Variants in CSMD1 observed in about 807,000 individuals in gnomAD.
CSMD1 encodes the protein CUB and sushi domain-containing protein 1.
CSMD1 carries 213 observed loss-of-function variants against 417.5 expected under a neutral mutation model. The ratio of observed to expected loss-of-function variants is 0.51; its 90% CI spans 0.46 to 0.57. The LOEUF is 0.57. Ranked by LOEUF, CSMD1 falls within the 20% of genes least tolerant of loss-of-function variation. CSMD1 has a pLI of 0.00. For missense variants in CSMD1, 6,923 were observed against 4,529.7 expected (o/e 1.53, Z -15.17); for synonymous variants, 2,862 against 1,736.8 (o/e 1.65, Z -16.11).
chr8:4,305,385 G>C (rs372950370), intron 3 of CSMD1, among the ~76,000 whole-genome samples: 88 of 152,240 alleles, frequency 5.8e-4, no homozygotes, highest in Non-Finnish European at 1.1e-3. Flanking sequence ...GATAGAGCAA[G>C]AGATTTGCTG....
At chr8:4,307,629 G>C (rs892422031) in intron 3 of CSMD1, among the ~76,000 whole-genome samples, 3 of 152,114 alleles carry the variant, frequency 2.0e-5, no homozygotes, top group Non-Finnish European at 4.4e-5. Context: ...CAAGCTTATC[G>C]AATTTTGCAT....
intron 3 of CSMD1, among the ~76,000 whole-genome samples, chr8:4,172,787 G>C (rs1186736907): frequency 6.6e-6 from 1 of 152,112 alleles, no homozygotes; most frequent in East Asian, 1.9e-4. Context: ...CCACAGAGAA[G>C]CCTATCCCAT....
At chr8:3,093,470 C>G (rs1293367397) in intron 47 of CSMD1, among the ~76,000 whole-genome samples, 1 of 152,104 alleles carries the variant, frequency 6.6e-6, no homozygotes, top group Non-Finnish European at 1.5e-5. Context: ...AGTTTGAGAC[C>G]AGCCTGGCCA....
chr8:4,654,487 G>C (rs1473099576), intron 1 of CSMD1, among the ~76,000 whole-genome samples: 1 of 152,020 alleles, frequency 6.6e-6, no homozygotes. Context: ...CTCCACCCTG[G>C]AAACGAAGTA....
chr8:4,865,085 T>C (rs1585232405), intron 1 of CSMD1, among the ~76,000 whole-genome samples: 1 of 151,802 alleles, frequency 6.6e-6, no homozygotes, highest in East Asian at 1.9e-4. Flanking sequence ...CACGTGGTTT[T>C]CTGTTACCTG....
At chr8:4,435,596 C>T (rs1043559412) in intron 2 of CSMD1, among the ~76,000 whole-genome samples, 4 of 152,194 alleles carry the variant, frequency 2.6e-5, no homozygotes, top group Admixed American at 1.3e-4. Context: ...ATGGAATCTG[C>T]TCTTCACGGC....
intron 11 of CSMD1, among the ~76,000 whole-genome samples, chr8:3,474,553 G>T (rs1817298942): frequency 6.6e-6 from 1 of 152,078 alleles, no homozygotes; most frequent in South Asian, 2.1e-4. Context: ...TTACTTAAAT[G>T]TTTAATATTA....
intron 1 of CSMD1, among the ~76,000 whole-genome samples, chr8:4,749,958 C>G (rs199608182): frequency 2.0e-5 from 3 of 151,918 alleles, no homozygotes; most frequent in African/African-American, 7.3e-5. Flanking sequence ...TCATGGTTCC[C>G]TCAAGTGCCT....
chr8:3,987,650 G>C (rs888613913), intron 5 of CSMD1, among the ~76,000 whole-genome samples: 4 of 152,278 alleles, frequency 2.6e-5, no homozygotes, highest in Admixed American at 2.0e-4. Context: ...TGCTGATAAA[G>C]CAGAAGAGAC....
intron 5 of CSMD1, among the ~76,000 whole-genome samples, chr8:3,832,651 C>T (rs978625870): frequency 3.3e-5 from 5 of 152,094 alleles, no homozygotes; most frequent in African/African-American, 9.7e-5. Flanking sequence ...GTACTTACAA[C>T]GAAACTGAGA....
At chr8:3,450,020 C>T (rs772821635) in intron 12 of CSMD1, among the ~76,000 whole-genome samples, 5 of 152,162 alleles carry the variant, frequency 3.3e-5, no homozygotes, top group African/African-American at 4.8e-5. Flanking sequence ...TCCTCCTCAT[C>T]GATGTGGTCC....
intron 13 of CSMD1, 54 bp from the exon 14 acceptor site, chr8:3,408,279 CCATGTGAAACAGA>C (rs1812474270): frequency 7.3e-7 from 1 of 1,375,692 alleles, no homozygotes; most frequent in Non-Finnish European, 9.9e-7. Context: ...CAAAGAATTG[CCATGTGAAACAGA>C]CAGCTAAGAA....
intron 5 of CSMD1, among the ~76,000 whole-genome samples, chr8:3,996,341 C>T (rs1306392234): frequency 6.6e-6 from 1 of 152,108 alleles, no homozygotes; most frequent in East Asian, 1.9e-4. Flanking sequence ...TTCTGAAAAC[C>T]ACAATAATTT....
At chr8:3,746,183 G>C (rs1016761673) in intron 6 of CSMD1, among the ~76,000 whole-genome samples, 10 of 152,334 alleles carry the variant, frequency 6.6e-5, no homozygotes, top group African/African-American at 2.2e-4. Flanking sequence ...ACGCTGAAAA[G>C]AATAGCAGTT....
At chr8:4,608,059 G>A (rs903552855) in intron 2 of CSMD1, among the ~76,000 whole-genome samples, 4 of 152,146 alleles carry the variant, frequency 2.6e-5, no homozygotes, top group Non-Finnish European at 5.9e-5. Context: ...CCAGGTGAAG[G>A]CCCTGGGAGG....
chr8:3,696,241 C>G (rs959231295), intron 7 of CSMD1, among the ~76,000 whole-genome samples: 5 of 152,204 alleles, frequency 3.3e-5, no homozygotes, highest in Admixed American at 2.6e-4. Context: ...GCAATTTAGA[C>G]AGGCACATTG....
At chr8:3,390,980 A>G (rs932821331) in intron 17 of CSMD1, among the ~76,000 whole-genome samples, 2 of 152,128 alleles carry the variant, frequency 1.3e-5, no homozygotes, top group Non-Finnish European at 2.9e-5. Flanking sequence ...GCCATGTTAC[A>G]TTATTTACTG....
At chr8:3,082,535 G>A (rs1039938255) in intron 49 of CSMD1, among the ~76,000 whole-genome samples, 3 of 152,032 alleles carry the variant, frequency 2.0e-5, no homozygotes, top group Non-Finnish European at 4.4e-5. Flanking sequence ...TCTCCCTCCG[G>A]ACTAGCAGAG....
intron 4 of CSMD1, among the ~76,000 whole-genome samples, chr8:4,012,410 A>G (rs144913179): frequency 9.6e-4 from 146 of 152,026 alleles, no homozygotes; most frequent in African/African-American, 3.0e-3. Flanking sequence ...CGTCGCGTGG[A>G]TTTATTTTTA....
Sources: allele counts gnomAD v4.1 joint callset (sites outside exome capture counted in the v4.1 genomes callset), GRCh38; gene constraint gnomAD v4.1.1; transcripts MANE v1.5; gene names NCBI Gene and HGNC (gene_info 2026-07-23, HGNC 2026-07-21).